Variants in IQGAP1 observed in about 807,000 individuals in gnomAD.
IQGAP1 encodes IQ motif containing GTPase activating protein 1, also known as ras GTPase-activating-like protein IQGAP1.
In IQGAP1, 66 loss-of-function variants were observed where a neutral mutation model predicts 215.6. The ratio of observed to expected loss-of-function variants is 0.31; its 90% CI spans 0.25 to 0.38. The LOEUF (loss-of-function observed/expected upper bound fraction) is 0.38, where lower values mean the gene tolerates loss of function less well. Among genes scored for constraint, IQGAP1 ranks in the 10% least tolerant of loss-of-function variants. The pLI, the probability that IQGAP1 is intolerant of heterozygous loss-of-function variation, is 1.00. For synonymous variants in IQGAP1, 772 were observed against 728.7 expected (o/e 1.06, Z -0.96); for missense variants, 1,712 against 1,997.1 (o/e 0.86, Z 2.72).
intron 2 of IQGAP1, among the ~76,000 whole-genome samples, chr15:90,410,899 A>G (rs28545005): frequency 0.19 from 29,046 of 151,634 alleles, 3,475 homozygotes; most frequent in East Asian, 0.45. Context: ...AAAGAAAAAG[A>G]AAAAGAAATT....
At chr15:90,461,906 G>A (rs1323522853) in intron 15 of IQGAP1, among the ~76,000 whole-genome samples, 2 of 151,652 alleles carry the variant, frequency 1.3e-5, no homozygotes, top group African/African-American at 4.8e-5. Flanking sequence ...TTGGGAGGCT[G>A]AGGCAGGTGG....
rs763510464 is a variant in IQGAP1, at chr15:90,494,830, G to T, written c.4746G>T (p.Val1582=). The T allele has an allele frequency of 1.9e-6, 3 of 1,601,134 alleles. No homozygotes were observed. The Admixed American group carries it at 5.2e-5, about 28-fold the overall frequency. The change falls in exon 36 of 38, where the codon GTG becomes GTT. Residue 1582 remains valine, a synonymous_variant. Transcript: ENST00000268182. ...GVLLEIEDLQ[V]NQFKNVIFEI... is the part of the protein sequence containing the mutation. ...TTCTGGAAATTGAGGACCTGCAAGT[G>T]AATCAGTGAGTCTTTGCTTTTTGTT...
At chr15:90,454,389 C>CTGTG (rs1241049701) in intron 13 of IQGAP1, 39 bp from the exon 14 acceptor site, 1 of 1,611,156 alleles carries the variant, frequency 6.2e-7, no homozygotes, top group Admixed American at 1.7e-5. Flanking sequence ...TTTAAACATG[C>CTGTG]TGTGCTTAAT....
rs1387008299 is a variant in IQGAP1 at position 90,477,738 on chromosome 15, C to T, written c.3178C>T (p.Arg1060Cys). 2 of 1,613,828 alleles carry T rather than the reference C, an allele frequency of 1.2e-6. No homozygotes were observed. Among genetic ancestry groups the T allele is most frequent in the Non-Finnish European group, 1.7e-6 (2 of 1,179,848 alleles). Residue 1060 changes from arginine to cysteine, a missense_variant, in exon 26 of 38, where the codon CGT becomes TGT. By Grantham distance (180) the Arg-to-Cys change is radical (BLOSUM62 -3). This residue lies in a region of IQGAP1 where 691 missense variants were observed against 923.0 expected (regional missense o/e 0.75). Coordinates refer to ENST00000268182, the MANE Select transcript of IQGAP1 (RefSeq NM_003870.4). ...TATTAAAATGGTTGTAAGTTTCAAC[C>T]GTGGTGCCCGTGGCCAGAATGCCCT... The part of the protein sequence containing the change: ...TVIKMVVSFN[R>C]GARGQNALRQ...
At chr15:90,389,090 A>G (rs1055581302) in intron 1 of IQGAP1, among the ~76,000 whole-genome samples, 1 of 152,136 alleles carries the variant, frequency 6.6e-6, no homozygotes, top group East Asian at 1.9e-4. Context: ...TGTGGGAATA[A>G]TGTTCTTTTT....
chr15:90,422,092 T>G (rs939145083), intron 2 of IQGAP1, among the ~76,000 whole-genome samples: 1 of 152,192 alleles, frequency 6.6e-6, no homozygotes, highest in African/African-American at 2.4e-5. Flanking sequence ...TTTTCCTTCT[T>G]GGTATTTCTG....
intron 36 of IQGAP1, chr15:90,496,672 T>C (rs1317469978): frequency 3.9e-5 from 6 of 152,174 alleles, no homozygotes; most frequent in African/African-American, 1.4e-4. Context: ...ACGTAACATA[T>C]TGTGAATGAG....
chr15:90,473,872 A>G (rs767424860), intron 20 of IQGAP1, 24 bp from the exon 21 acceptor site: 1 of 1,613,356 alleles, frequency 6.2e-7, no homozygotes, highest in African/African-American at 1.3e-5. Context: ...GACTCTTCTA[A>G]TTTCCAGGAT....
chr15:90,491,162 C>T (rs185304031), intron 33 of IQGAP1, among the ~76,000 whole-genome samples, 171 bp from the exon 34 acceptor site: 9 of 152,192 alleles, frequency 5.9e-5, no homozygotes, highest in Admixed American at 3.3e-4. Flanking sequence ...AGATGTGCCT[C>T]TGCTTCATGC....
intron 4 of IQGAP1, among the ~76,000 whole-genome samples, chr15:90,431,041 ATATAT>A (rs1429503713): frequency 2.7e-5 from 4 of 148,106 alleles, no homozygotes; most frequent in Admixed American, 6.8e-5. Context: ...CATATATACA[ATATAT>A]TATATATTAT....
intron 2 of IQGAP1, among the ~76,000 whole-genome samples, chr15:90,392,794 G>T (rs1964654521): frequency 7.6e-6 from 1 of 132,048 alleles, no homozygotes; most frequent in African/African-American, 3.1e-5. Context: ...GCCCAGGCTG[G>T]AGGGCAGTGG....
intron 1 of IQGAP1, among the ~76,000 whole-genome samples, chr15:90,390,103 G>A (rs1340193445): frequency 6.6e-6 from 1 of 152,210 alleles, no homozygotes; most frequent in Non-Finnish European, 1.5e-5. Flanking sequence ...AAGGGAAGAG[G>A]AGAGTTTCCA....
chr15:90,413,921 G>T (rs948306833), intron 2 of IQGAP1, among the ~76,000 whole-genome samples: 2 of 152,154 alleles, frequency 1.3e-5, no homozygotes, highest in East Asian at 3.9e-4. Context: ...AGGAAGTGGG[G>T]TATATTCCTT....
chr15:90,481,269 C>CTTTTTTTTTTT (rs57452745), intron 26 of IQGAP1, among the ~76,000 whole-genome samples: 7 of 113,180 alleles, frequency 6.2e-5, no homozygotes, highest in African/African-American at 2.3e-4. Context: ...CTCTCTGCCT[C>CTTTTTTTTTTT]TTTTTTTTTT....
In IQGAP1 at chr15:90,484,202, C is replaced by A; in HGVS notation, c.3789-18C>A. 6.2e-7 allele frequency: 1 copy of A among 1,611,548 alleles called. No homozygotes were observed. Among genetic ancestry groups the A allele is most frequent in the Non-Finnish European group, 8.5e-7 (1 of 1,179,000 alleles). The stretch of plus-strand genomic sequence containing the variant: ...TGTATGTCCCTTTTTGGGGGGCTGC[C>A]TCCTGTGCTTATTTCAGACGGTTTT... On this transcript the variant is annotated intron_variant, in intron 29 of 37. Transcript: ENST00000268182.
intron 2 of IQGAP1, among the ~76,000 whole-genome samples, chr15:90,405,639 A>G (rs983254537): frequency 1.3e-5 from 2 of 152,212 alleles, no homozygotes; most frequent in Non-Finnish European, 2.9e-5. Context: ...TCAAGTGGCA[A>G]ATTATTTGGA....
chr15:90,389,566 A>C (rs958092162), intron 1 of IQGAP1, among the ~76,000 whole-genome samples: 1 of 152,034 alleles, frequency 6.6e-6, no homozygotes, highest in South Asian at 2.1e-4. Flanking sequence ...TCCTGATCTC[A>C]AATGATCCCC....
At chr15:90,394,479 C>T (rs909102276) in intron 2 of IQGAP1, among the ~76,000 whole-genome samples, 1 of 152,164 alleles carries the variant, frequency 6.6e-6, no homozygotes, top group African/African-American at 2.4e-5. Flanking sequence ...GCTGCCACCC[C>T]TAAAAAGTGT....
At chr15:90,393,865 G>A (rs1964673433) in intron 2 of IQGAP1, 1 of 152,038 alleles carries the variant, frequency 6.6e-6, no homozygotes, top group African/African-American at 2.4e-5. Context: ...CTGGCCCGGT[G>A]GCTCACGCCT....
Sources: allele counts gnomAD v4.1 joint callset (sites outside exome capture counted in the v4.1 genomes callset), GRCh38; gene constraint gnomAD v4.1.1; regional missense constraint gnomAD v4.1.1; transcripts MANE v1.5; gene names NCBI Gene and HGNC (gene_info 2026-07-23, HGNC 2026-07-21).